The following PRKAA2 variants were observed in gnomAD, a reference collection of about 807,000 sequenced individuals.
The protein encoded by PRKAA2 is 5'-AMP-activated protein kinase catalytic subunit alpha-2.
In PRKAA2, 40 loss-of-function variants were observed where a neutral mutation model predicts 56.3. The observed-to-expected ratio is 0.71, with a 90% confidence interval of 0.55 to 0.92. PRKAA2 has a LOEUF of 0.92. PRKAA2 is among the 40% of genes least tolerant of loss of function. The pLI is 0.00. For missense variants in PRKAA2, 542 were observed against 686.9 expected, an observed-to-expected ratio of 0.79 and a Z score of 2.36; for synonymous variants, 214 against 234.2, an observed-to-expected ratio of 0.91 and a Z score of 0.79.
At position 56,645,374 on chromosome 1, in the gene PRKAA2, C is replaced by A. The variant is rs541961658; in HGVS notation, c.-14C>A. Reference sequence around the variant, plus strand: ...GGAGCGGCAGGCGGTGGAGCGAGGCCGCGCGCGCCGAAGATGGCTGAGAAG... The same window carrying A: ...GGAGCGGCAGGCGGTGGAGCGAGGCAGCGCGCGCCGAAGATGGCTGAGAAG... On this transcript the variant is annotated 5_prime_UTR_variant, in exon 1 of 9. Transcript: ENST00000371244. 2.7e-6 allele frequency: 4 copies of A among 1,462,706 alleles called. No individual in the cohort carries two copies. Among genetic ancestry groups the A allele is most frequent in the Admixed American group, 2.3e-5 (1 of 44,318 alleles). 90.6% of individuals were successfully genotyped at this position (1,462,706 alleles called of 1,614,324 possible).
At chr1:56,657,665 G>T (rs1305191400) in intron 1 of PRKAA2, among the ~76,000 whole-genome samples, 1 of 152,010 alleles carries the variant, frequency 6.6e-6, no homozygotes, top group African/African-American at 2.4e-5. Flanking sequence ...GACAGAGCAA[G>T]ACTCCATCTC....
In PRKAA2 at chr1:56,682,963, G is replaced by T. The variant is rs182002740; in HGVS notation, c.237-8431G>T. Among the ~76,000 whole-genome samples, 3 of 151,736 alleles carry T rather than the reference G, an allele frequency of 2.0e-5. No individual in the cohort carries two copies. In the East Asian group the frequency reaches 5.8e-4, roughly 29 times the overall value. On this transcript the variant is annotated intron_variant, in intron 2 of 8. Transcript: ENST00000371244. ...CATTTCTATCGTTGTAGGAAGTTCT[G>T]TTCAACAGTCCTGGTCTAGATGGAG...
intron 1 of PRKAA2, among the ~76,000 whole-genome samples, chr1:56,655,562 G>GT (rs1411109438): frequency 6.6e-6 from 1 of 150,944 alleles, no homozygotes; most frequent in Non-Finnish European, 1.5e-5. Context: ...TAAGCAAAAT[G>GT]TTTTTTACCA....
At chr1:56,681,277 T>C (rs547751005) in intron 2 of PRKAA2, among the ~76,000 whole-genome samples, 5 of 152,348 alleles carry the variant, frequency 3.3e-5, no homozygotes, top group South Asian at 2.1e-4. Flanking sequence ...GATGGGTAGA[T>C]TGCAAAAATT....
At position 56,692,375 on chromosome 1, in the gene PRKAA2, C is replaced by T. The variant is rs772691132; in HGVS notation, c.348C>T (p.Ala116=). 10 of 1,613,974 alleles carry T rather than the reference C, an allele frequency of 6.2e-6. No homozygotes were observed. Among genetic ancestry groups the T allele is most frequent in the Middle Eastern group, 1.6e-4 (1 of 6,062 alleles). ...CKHGRVEEME[A]RRLFQQILSA... ...CTTGATAGGTTGAAGAGATGGAAGC[C>T]AGGCGGCTCTTTCAGCAGATTCTGT... Residue 116 remains alanine, a synonymous_variant, in exon 4 of 9, where the codon GCC becomes GCT. Transcript: ENST00000371244.
intron 6 of PRKAA2, among the ~76,000 whole-genome samples, chr1:56,697,984 A>G (rs1644269916): frequency 6.6e-6 from 1 of 151,550 alleles, no homozygotes; most frequent in South Asian, 2.1e-4. Flanking sequence ...GATAACTTGA[A>G]TCTATAGTTT....
intron 1 of PRKAA2, among the ~76,000 whole-genome samples, chr1:56,671,751 A>G (rs757408500): frequency 1.3e-5 from 2 of 152,214 alleles, no homozygotes; most frequent in African/African-American, 4.8e-5. Context: ...CAGACAGCCC[A>G]GGTCAGATGT....
Position 56,707,912 on chromosome 1 carries a change from G to T in PRKAA2, c.*199G>T. The T allele has an allele frequency of 4.9e-6, 3 of 606,724 alleles. No homozygotes were observed. The highest frequency in any genetic ancestry group is 8.6e-6 in the Non-Finnish European group (3 of 350,400). The allele number at this position is 606,724 out of a possible 1,614,324, so 37.6% of individuals were successfully genotyped here. On this transcript the variant is annotated 3_prime_UTR_variant, in exon 9 of 9. Coordinates refer to ENST00000371244, the MANE Select transcript of PRKAA2 (RefSeq NM_006252.4). ...ACTTGTAGAAATCTGTAATTCTATT[G>T]TGCCTATGATAAATTCACATAGGCA...
intron 1 of PRKAA2, among the ~76,000 whole-genome samples, chr1:56,653,762 G>C (rs1033569913): frequency 6.6e-6 from 1 of 152,106 alleles, no homozygotes; most frequent in Admixed American, 6.5e-5. Context: ...CTCCTGTCTT[G>C]TTTTACTCTG....
In PRKAA2 at chr1:56,692,381, G is replaced by A; in HGVS notation, c.354G>A (p.Arg118=). 4 of 1,613,968 alleles carry A rather than the reference G, an allele frequency of 2.5e-6. No individual in the cohort carries two copies. Among genetic ancestry groups the A allele is most frequent in the Non-Finnish European group, 3.4e-6 (4 of 1,179,964 alleles). The stretch of plus-strand genomic sequence containing the variant: ...AGGTTGAAGAGATGGAAGCCAGGCG[G>A]CTCTTTCAGCAGATTCTGTCTGCTG... The part of the protein sequence containing the change: ...HGRVEEMEAR[R]LFQQILSAVD... The change falls in exon 4 of 9, where the codon CGG becomes CGA. Residue 118 remains arginine (R), a synonymous_variant. Coordinates refer to ENST00000371244, the MANE Select transcript of PRKAA2 (RefSeq NM_006252.4).
intron 6 of PRKAA2, among the ~76,000 whole-genome samples, chr1:56,700,531 G>GT (rs2100433083): frequency 6.6e-6 from 1 of 152,240 alleles, no homozygotes; most frequent in Non-Finnish European, 1.5e-5. Context: ...TGGAAATTGT[G>GT]TTTCCTAATT....
chr1:56,661,453 G>T (rs2100390492), intron 1 of PRKAA2, among the ~76,000 whole-genome samples: 1 of 152,150 alleles, frequency 6.6e-6, no homozygotes, highest in Non-Finnish European at 1.5e-5. Flanking sequence ...ACTGTATCTG[G>T]CTTCTTTACA....
At chr1:56,702,643 G>T (rs1468223853) in intron 6 of PRKAA2, among the ~76,000 whole-genome samples, 4 of 152,032 alleles carry the variant, frequency 2.6e-5, no homozygotes, top group African/African-American at 7.2e-5. Flanking sequence ...ACTCTTTCTT[G>T]TCTCATGGTC....
chr1:56,672,478 T>C lies in PRKAA2; in HGVS notation c.95-1903T>C, dbSNP rs369436435. ...TTTCTGGGATATTAATCTTGAAATATGAATTTAAAGGAGGGACAGAGGTCA... is the reference window on the plus strand; with the variant it reads ...TTTCTGGGATATTAATCTTGAAATACGAATTTAAAGGAGGGACAGAGGTCA... On this transcript the variant is annotated intron_variant, in intron 1 of 8. Coordinates refer to ENST00000371244, the MANE Select transcript of PRKAA2 (RefSeq NM_006252.4). Among the ~76,000 whole-genome samples the C allele has an allele frequency of 1.4e-4, 22 of 152,232 alleles. 1 individual carries two copies. The highest frequency in any genetic ancestry group is 4.8e-4 in the African/African-American group (20 of 41,540).
chr1:56,711,667 ACT>A lies in PRKAA2; in HGVS notation c.*3957_*3958del, dbSNP rs1356148201. The A allele has an allele frequency of 2.0e-5, 3 of 151,924 alleles. No individual in the cohort carries two copies. The highest frequency in any genetic ancestry group is 7.3e-5 in the African/African-American group (3 of 41,360). The allele number at this position is 151,924 out of a possible 1,614,324, so 9.4% of individuals were successfully genotyped here. A position where few individuals can be genotyped will look rare whatever the true frequency, so the allele number is the denominator to read the frequency against. Reference sequence around the variant, plus strand: ...TTTATTTTAATAGTAGTTCTCAAAGACTCTATTAAAAACTCTGGACGAGGGAT... The same window carrying A: ...TTTATTTTAATAGTAGTTCTCAAAGACTATTAAAAACTCTGGACGAGGGAT... On this transcript the variant is annotated 3_prime_UTR_variant, in exon 9 of 9. Transcript: ENST00000371244.
At chr1:56,684,376 A>G (rs1320828432) in intron 2 of PRKAA2, among the ~76,000 whole-genome samples, 1 of 152,084 alleles carries the variant, frequency 6.6e-6, no homozygotes, top group Non-Finnish European at 1.5e-5. Flanking sequence ...TAAGCTAGAG[A>G]GATAAATTTG....
At chr1:56,689,897 G>C (rs113083338) in intron 2 of PRKAA2, among the ~76,000 whole-genome samples, 4 of 147,044 alleles carry the variant, frequency 2.7e-5, no homozygotes, top group African/African-American at 1.0e-4. Context: ...CAGACACACA[G>C]ACACACACAC....
At chr1:56,704,536 C>T (rs1644318791) in intron 7 of PRKAA2, 61 bp downstream of exon 7, 10 of 1,510,792 alleles carry the variant, frequency 6.6e-6, no homozygotes, top group African/African-American at 1.4e-5. Context: ...TTATAAGCTG[C>T]TCTGAGCTCC....
chr1:56,674,375 C>G lies in PRKAA2; in HGVS notation c.95-6C>G, dbSNP rs1161116120. The G allele has an allele frequency of 7.2e-6, 11 of 1,519,120 alleles. No individual in the cohort carries two copies. The highest frequency in any genetic ancestry group is 1.8e-6 in the Non-Finnish European group (2 of 1,138,426). 94.1% of individuals were successfully genotyped at this position (1,519,120 alleles called of 1,614,324 possible). ...GCACATTTTTTTTCCTTTTTCTTTT[C>G]TTTAGTTGGAGAACATCAATTAACA... On this transcript the variant is annotated splice_region_variant and splice_polypyrimidine_tract_variant and intron_variant, in intron 1 of 8. Transcript: ENST00000371244.
Sources: allele counts gnomAD v4.1 joint callset (sites outside exome capture counted in the v4.1 genomes callset), GRCh38; gene constraint gnomAD v4.1.1; transcripts MANE v1.5; gene names NCBI Gene and HGNC (gene_info 2026-07-23, HGNC 2026-07-21).